Variants in ZNF862 observed in about 807,000 individuals in gnomAD.
ZNF862 encodes zinc finger protein 862.
ZNF862 carries 64 observed loss-of-function variants against 91.1 expected under a neutral mutation model. The observed-to-expected ratio is 0.70, with a 90% CI of 0.57 to 0.87. ZNF862 has a LOEUF of 0.87. ZNF862 is among the 40% of genes least tolerant of loss of function. The pLI is 0.00. For missense variants in ZNF862, 1,459 were observed against 1,528.0 expected (o/e 0.95, Z 0.75); for synonymous variants, 631 against 618.1 (o/e 1.02, Z -0.31).
rs749013999 is a variant in ZNF862 at position 149,848,440 on chromosome 7, G to A, written c.939+8G>A. Reference sequence around the variant, plus strand: ...GTAGAATCCTGCATTCAGGTAATACGTTTATAATGATTGCTGTATCTTACA... The same window carrying A: ...GTAGAATCCTGCATTCAGGTAATACATTTATAATGATTGCTGTATCTTACA... On this transcript the variant is annotated splice_region_variant and intron_variant, in intron 4 of 7. Coordinates refer to ENST00000223210, the MANE Select transcript of ZNF862 (RefSeq NM_001099220.3). The A allele has an allele frequency of 1.3e-5, 19 of 1,495,984 alleles. 1 individual carries two copies. In the South Asian group the frequency reaches 1.4e-4, roughly 11 times the overall value. The allele number at this position is 1,495,984 out of a possible 1,614,324, so 92.7% of individuals were successfully genotyped here.
chr7:149,863,195 T>C (rs1352223210), intron 7 of ZNF862, among the ~76,000 whole-genome samples: 1 of 152,186 alleles, frequency 6.6e-6, no homozygotes, highest in Non-Finnish European at 1.5e-5. Context: ...AGGAAATTTT[T>C]CTCTTCAAGT....
At chr7:149,839,544 C>T (rs1314369055) in intron 1 of ZNF862, among the ~76,000 whole-genome samples, 2 of 152,176 alleles carry the variant, frequency 1.3e-5, no homozygotes, top group African/African-American at 2.4e-5. Context: ...AGCTCTCCTG[C>T]AGTTTTCACT....
chr7:149,847,592 GGTGTGTGTGTGTGTGT>G lies in ZNF862; in HGVS notation c.242-117_242-102del, dbSNP rs10569456. 975 of 533,060 alleles carry G rather than the reference GGTGTGTGTGTGTGTGT, an allele frequency of 1.8e-3. 3 individuals are homozygous for G. The highest frequency in any genetic ancestry group is 7.9e-3 in the Middle Eastern group (16 of 2,038). The allele number at this position is 533,060 out of a possible 1,614,324, so 33.0% of individuals were successfully genotyped here. A position where few individuals can be genotyped will look rare whatever the true frequency, so the allele number is the denominator to read the frequency against. On this transcript the variant is annotated intron_variant, in intron 3 of 7. Coordinates refer to ENST00000223210, the MANE Select transcript of ZNF862 (RefSeq NM_001099220.3). Reference sequence around the variant, plus strand: ...TTGGCCAGGACTAGAAGAAAATTCAGGTGTGTGTGTGTGTGTGTGTGTGTGTGTGTGTGTGTGTGTG... The same window carrying G: ...TTGGCCAGGACTAGAAGAAAATTCAGGTGTGTGTGTGTGTGTGTGTGTGTG...
At chr7:149,843,325 G>GT in intron 1 of ZNF862, among the ~76,000 whole-genome samples, 1 of 152,196 alleles carries the variant, frequency 6.6e-6, no homozygotes, top group Non-Finnish European at 1.5e-5. Context: ...TGAGAAGTTT[G>GT]TTTTTTGTTG....
At chr7:149,845,343 G>A (rs1333317780) in intron 2 of ZNF862, among the ~76,000 whole-genome samples, 3 of 152,216 alleles carry the variant, frequency 2.0e-5, no homozygotes, top group Non-Finnish European at 4.4e-5. Context: ...TTCAACATGT[G>A]TGTACACATA....
intron 1 of ZNF862, 22 bp downstream of exon 1, chr7:149,838,657 GCCGCCCGCTC>G: frequency 8.2e-7 from 1 of 1,219,446 alleles, no homozygotes; most frequent in Non-Finnish European, 1.0e-6. Context: ...AGGCCCGGGG[GCCGCCCGCTC>G]CCTCCCGAGG....
Position 149,838,495 on chromosome 7 carries a change from C to T in ZNF862, c.-117C>T. On this transcript the variant is annotated 5_prime_UTR_variant, in exon 1 of 8. Transcript: ENST00000223210. ...GCGAAGTTCTTGGGCCGCGCTCCCT[C>T]CCTACCTGGGTGCCCTCCCCCTCCG... 5 of 659,884 alleles carry T rather than the reference C, an allele frequency of 7.6e-6. 1 individual carries two copies. Among genetic ancestry groups the T allele is most frequent in the Non-Finnish European group, 1.1e-5 (5 of 465,084 alleles). 40.9% of individuals were successfully genotyped at this position (659,884 alleles called of 1,614,324 possible).
chr7:149,852,332 C>G (rs1441911156), intron 5 of ZNF862, among the ~76,000 whole-genome samples: 1 of 130,430 alleles, frequency 7.7e-6, no homozygotes, highest in East Asian at 2.2e-4. Flanking sequence ...GGGGTGAACT[C>G]AGTTTTGTGT....
In ZNF862 at chr7:149,861,027, T is replaced by C. The variant is rs780480613; in HGVS notation, c.1867T>C (p.Cys623Arg). 3.1e-6 allele frequency: 5 copies of C among 1,612,976 alleles called. No individual in the cohort carries two copies. In the East Asian group the frequency reaches 8.9e-5, roughly 29 times the overall value. ...CCTGGAGGACGTGCGGAACTCGCCC[T>C]GTGTGAGCGTGCTGCTGGACAGCTC... ...EILEDVRNSPCVSVLLDSSTD... is the reference protein window; with the variant it reads ...EILEDVRNSPRVSVLLDSSTD... The change falls in exon 7 of 8, where the codon TGT becomes CGT. Residue 623 changes from cysteine (C) to arginine (R), a missense_variant. Cys to Arg is a radical substitution (Grantham distance 180). Transcript: ENST00000223210. This position sits in a 1 kb window ranked among gnomAD's most constrained non-coding sequence, Gnocchi z 6.7.
chr7:149,845,494 CTGTGCCGGCTAAAAGAGTT>C (rs1801839544), intron 2 of ZNF862, among the ~76,000 whole-genome samples: 1 of 152,180 alleles, frequency 6.6e-6, no homozygotes, highest in Non-Finnish European at 1.5e-5. Context: ...GTGAGTCTTC[CTGTGCCGGCTAAAAGAGTT>C]TGAAAACCAC....
Position 149,847,902 on chromosome 7 carries a change from C to T in ZNF862, c.409C>T (p.Arg137Trp), listed in dbSNP as rs573806805. 21 of 1,607,040 alleles carry T rather than the reference C, an allele frequency of 1.3e-5. No homozygotes were observed. Among genetic ancestry groups the T allele is most frequent in the African/African-American group, 4.0e-5 (3 of 74,814 alleles). ...AAGAAACAGGAAACTTCTGAAGCCC[C>T]GGTCCATCCAGAAGTCGTGGTTTGT... ...AGRNRKLLKPRSIQKSWFVQF... is the reference protein window; with the variant it reads ...AGRNRKLLKPWSIQKSWFVQF... Residue 137 changes from arginine to tryptophan, a missense_variant, in exon 4 of 8, where the codon CGG becomes TGG. Transcript: ENST00000223210.
In ZNF862 at chr7:149,867,129, C is replaced by G. The variant is rs1802761099; in HGVS notation, c.*2845C>G. ...ACTGATACCCACCGGGTCTGACATT[C>G]CAAGTAACCAGTATGTAACTGGTAG... On this transcript the variant is annotated 3_prime_UTR_variant, in exon 8 of 8. Coordinates refer to ENST00000223210, the MANE Select transcript of ZNF862 (RefSeq NM_001099220.3). The G allele has an allele frequency of 6.6e-6, 1 of 152,356 alleles. No homozygotes were observed. The highest frequency in any genetic ancestry group is 3.4e-3 in the Middle Eastern group (1 of 294). The allele number at this position is 152,356 out of a possible 1,614,324, so 9.4% of individuals were successfully genotyped here.
rs187339717 is a variant in ZNF862, at chr7:149,861,599, G to T, written c.2439G>T (p.Arg813Ser). The T allele has an allele frequency of 7.5e-6, 12 of 1,599,886 alleles. No homozygotes were observed. The African/African-American group carries it at 1.6e-4, about 21-fold the overall frequency. Residue 813 changes from arginine (R) to serine (S), a missense_variant, in exon 7 of 8, where the codon AGG becomes AGT. Physicochemically the swap from Arg to Ser is moderately radical, Grantham distance 110. Transcript: ENST00000223210. The surrounding 1 kb of genome is among the most constrained non-coding windows in gnomAD (Gnocchi z 6.7). ...SWPALARHLQ[R>S]VAEAGGQIGH... is the part of the protein sequence containing the mutation. ...CCGCCCTGGCCAGGCACCTCCAGAG[G>T]GTGGCAGAGGCTGGGGGCCAGATTG... is the stretch of plus-strand genomic sequence containing the variant.
chr7:149,841,309 A>G, intron 1 of ZNF862: 1 of 985,404 alleles, frequency 1.0e-6, no homozygotes, highest in Non-Finnish European at 1.2e-6. Context: ...ACTGACAGCC[A>G]TCTTGGGCCA....
At chr7:149,840,187 T>TAAAAAAAAAAAA (rs60721842) in intron 1 of ZNF862, among the ~76,000 whole-genome samples, 14 of 41,248 alleles carry the variant, frequency 3.4e-4, no homozygotes, top group East Asian at 2.4e-3. Context: ...GCTTAAAAAG[T>TAAAAAAAAAAAA]AAAAAAAAAA....
At chr7:149,853,852 C>T (rs1190813042) in intron 5 of ZNF862, among the ~76,000 whole-genome samples, 2 of 151,176 alleles carry the variant, frequency 1.3e-5, no homozygotes, top group Non-Finnish European at 2.9e-5. Flanking sequence ...GCAGGAGAAT[C>T]GCTTGAACCT....
Position 149,850,353 on chromosome 7 carries a change from A to G in ZNF862, c.1117+15A>G. On this transcript the variant is annotated intron_variant, in intron 5 of 7. Transcript: ENST00000223210. This position sits in a 1 kb window ranked among gnomAD's most constrained non-coding sequence, Gnocchi z 4.2. The stretch of plus-strand genomic sequence containing the variant: ...GGCATCCTTGGGTAAAGACGCACCG[A>G]GCCTCTTATTCACCACCCTCCTTTG... The G allele has an allele frequency of 1.2e-6, 2 of 1,601,006 alleles. No individual in the cohort carries two copies. Among genetic ancestry groups the G allele is most frequent in the Non-Finnish European group, 1.7e-6 (2 of 1,172,310 alleles).
intron 3 of ZNF862, among the ~76,000 whole-genome samples, chr7:149,847,490 CAAA>C (rs1801908280): frequency 6.6e-6 from 1 of 151,786 alleles, no homozygotes; most frequent in South Asian, 2.1e-4. Flanking sequence ...ATTCAAAAAA[CAAA>C]AAGGAGGGGG....
intron 7 of ZNF862, among the ~76,000 whole-genome samples, chr7:149,863,347 C>G (rs907983640): frequency 3.3e-5 from 5 of 149,270 alleles, no homozygotes; most frequent in Non-Finnish European, 7.3e-5. Context: ...CCAGTGCTCT[C>G]TCTCCTCGCG....
Sources: gnomAD v4.1 joint callset for allele counts (sites outside exome capture counted in the v4.1 genomes callset) on GRCh38, gnomAD v4.1.1 for gene constraint, Gnocchi (gnomAD v3.1) non-coding constraint, MANE v1.5 for transcripts, NCBI Gene and HGNC (gene_info 2026-07-23, HGNC 2026-07-21) for gene names.